The following CDKAL1 variants were observed in gnomAD, a reference collection of about 807,000 sequenced individuals.
The protein encoded by CDKAL1 is threonylcarbamoyladenosine tRNA methylthiotransferase.
In CDKAL1, 32 loss-of-function variants were observed where a neutral mutation model predicts 68.2. The observed-to-expected ratio is 0.47, with a 90% CI of 0.35 to 0.63. The LOEUF (loss-of-function observed/expected upper bound fraction) is 0.63, where lower values mean the gene tolerates loss of function less well. Ranked by LOEUF, CDKAL1 falls within the 30% of genes least tolerant of loss-of-function variation. The pLI is 0.00. For synonymous variants in CDKAL1, 234 were observed against 244.3 expected, an observed-to-expected ratio of 0.96 and a Z score of 0.39; for missense variants, 606 against 696.7, an observed-to-expected ratio of 0.87 and a Z score of 1.47.
intron 5 of CDKAL1, among the ~76,000 whole-genome samples, chr6:20,650,642 G>A (rs983471883): frequency 6.6e-6 from 1 of 152,132 alleles, no homozygotes; most frequent in Non-Finnish European, 1.5e-5. Context: ...CCTATGTCCT[G>A]AATGGTATTG....
intron 9 of CDKAL1, among the ~76,000 whole-genome samples, chr6:20,913,026 G>A (rs1380859332): frequency 6.6e-6 from 1 of 151,238 alleles, no homozygotes; most frequent in Non-Finnish European, 1.5e-5. Flanking sequence ...AAAAAGTGTT[G>A]AGAGCAGATA....
chr6:20,762,716 C>G (rs968753362), intron 7 of CDKAL1, among the ~76,000 whole-genome samples: 1 of 152,144 alleles, frequency 6.6e-6, no homozygotes, highest in Non-Finnish European at 1.5e-5. Flanking sequence ...GGCATTAGTT[C>G]ATGTTAATGC....
chr6:20,557,477 T>A (rs1764101866), intron 4 of CDKAL1, among the ~76,000 whole-genome samples: 1 of 152,146 alleles, frequency 6.6e-6, no homozygotes, highest in Admixed American at 6.5e-5. Context: ...ATAGAAACTA[T>A]TTCTGCTGAT....
chr6:20,580,811 T>A (rs9358346), intron 4 of CDKAL1, among the ~76,000 whole-genome samples: 1 of 151,372 alleles, frequency 6.6e-6, no homozygotes. Flanking sequence ...TTTTTTTAGA[T>A]GGAGTTTCGC....
At chr6:20,740,683 T>C (rs991234011) in intron 6 of CDKAL1, among the ~76,000 whole-genome samples, 2 of 152,216 alleles carry the variant, frequency 1.3e-5, no homozygotes, top group Non-Finnish European at 2.9e-5. Context: ...TTGTATCATG[T>C]TCTCAGTGTA....
chr6:21,175,479 G>A (rs1777541169), intron 13 of CDKAL1, among the ~76,000 whole-genome samples: 1 of 152,158 alleles, frequency 6.6e-6, no homozygotes. Flanking sequence ...CTCTCAGGAA[G>A]CTCAGAGACA....
At chr6:20,946,081 A>G (rs1398531629) in intron 9 of CDKAL1, among the ~76,000 whole-genome samples, 1 of 152,202 alleles carries the variant, frequency 6.6e-6, no homozygotes, top group East Asian at 1.9e-4. Context: ...TAATATACAT[A>G]TTGCATAATT....
At chr6:21,199,171 G>A (rs997155218) in intron 14 of CDKAL1, among the ~76,000 whole-genome samples, 1 of 152,206 alleles carries the variant, frequency 6.6e-6, no homozygotes, top group Non-Finnish European at 1.5e-5. Flanking sequence ...TGGACAAGTC[G>A]GATGAGGGAT....
chr6:21,092,573 C>A (rs1773097480), intron 12 of CDKAL1, among the ~76,000 whole-genome samples: 1 of 151,816 alleles, frequency 6.6e-6, no homozygotes, highest in Admixed American at 6.6e-5. Context: ...GCTTTTTAAG[C>A]CTCTTACTCT....
intron 5 of CDKAL1, among the ~76,000 whole-genome samples, chr6:20,654,608 A>G (rs1236822874): frequency 6.6e-6 from 1 of 152,144 alleles, no homozygotes; most frequent in African/African-American, 2.4e-5. Context: ...ATTCATCTAG[A>G]GTTGACTGTT....
chr6:20,991,824 T>A (rs1766823266), intron 10 of CDKAL1, among the ~76,000 whole-genome samples: 1 of 150,130 alleles, frequency 6.7e-6, no homozygotes, highest in Non-Finnish European at 1.5e-5. Flanking sequence ...GAGTCTAGCC[T>A]GGGCAACATA....
chr6:20,968,935 C>G (rs56365610), intron 10 of CDKAL1, among the ~76,000 whole-genome samples: 13,560 of 151,816 alleles, frequency 0.089, 994 homozygotes, highest in African/African-American at 0.21. Flanking sequence ...CTATTGTCTC[C>G]TTTTTTCCTG....
chr6:20,834,384 T>C (rs1334632133), intron 8 of CDKAL1, among the ~76,000 whole-genome samples: 3 of 152,164 alleles, frequency 2.0e-5, no homozygotes, highest in Admixed American at 2.0e-4. Flanking sequence ...AAAGGACAAC[T>C]GTGGGGGTGG....
chr6:20,663,608 T>A (rs535454293), intron 5 of CDKAL1, among the ~76,000 whole-genome samples: 49 of 152,230 alleles, frequency 3.2e-4, no homozygotes, highest in African/African-American at 1.2e-3. Flanking sequence ...ACGTATTTTT[T>A]AAAAAATGGG....
intron 5 of CDKAL1, among the ~76,000 whole-genome samples, chr6:20,682,297 G>T (rs892136323): frequency 6.6e-5 from 10 of 152,112 alleles, no homozygotes; most frequent in Admixed American, 3.9e-4. Flanking sequence ...TTATCTAACA[G>T]CACTTCCCTC....
chr6:20,812,229 T>C (rs748187170), intron 8 of CDKAL1, among the ~76,000 whole-genome samples: 15 of 152,354 alleles, frequency 9.8e-5, no homozygotes, highest in Non-Finnish European at 2.1e-4. Flanking sequence ...TCCAACATTC[T>C]GCAAAGGTAA....
chr6:20,633,064 C>T (rs1323109300), intron 4 of CDKAL1, among the ~76,000 whole-genome samples: 4 of 152,124 alleles, frequency 2.6e-5, no homozygotes, highest in Non-Finnish European at 4.4e-5. Flanking sequence ...TTTTTAACAG[C>T]TGTATTGAGA....
At chr6:21,129,383 C>T (rs1775174528) in intron 13 of CDKAL1, among the ~76,000 whole-genome samples, 1 of 151,806 alleles carries the variant, frequency 6.6e-6, no homozygotes, top group Non-Finnish European at 1.5e-5. Flanking sequence ...CTCTCTGAGC[C>T]AATTAAAATT....
intron 9 of CDKAL1, among the ~76,000 whole-genome samples, chr6:20,912,392 A>G (rs1306780566): frequency 1.3e-5 from 2 of 152,162 alleles, no homozygotes; most frequent in Non-Finnish European, 2.9e-5. Flanking sequence ...CTTTCAGCAG[A>G]CGAGTACTTT....
Sources: gnomAD v4.1 joint callset for allele counts (sites outside exome capture counted in the v4.1 genomes callset) on GRCh38, gnomAD v4.1.1 for gene constraint, MANE v1.5 for transcripts, NCBI Gene and HGNC (gene_info 2026-07-23, HGNC 2026-07-21) for gene names.